MBNL2: variants seen among roughly 807,000 people sequenced by gnomAD.
The protein encoded by MBNL2 is muscleblind like splicing regulator 2.
A neutral mutation model predicts 41.9 loss-of-function variants in MBNL2; 17 were observed. The observed-to-expected ratio is 0.41, with a 90% CI of 0.28 to 0.61. The LOEUF is 0.61. Among genes scored for constraint, MBNL2 ranks in the 20% least tolerant of loss-of-function variants. MBNL2 has a pLI of 0.35. For missense variants in MBNL2, 336 were observed against 505.6 expected (o/e 0.66, Z 3.22); for synonymous variants, 195 against 182.9 (o/e 1.07, Z -0.53).
At chr13:97,383,380 T>G (rs539258687) in intron 8 of MBNL2, among the ~76,000 whole-genome samples, 1 of 152,360 alleles carries the variant, frequency 6.6e-6, no homozygotes, top group Admixed American at 6.5e-5. Flanking sequence ...AAGTTGTCAA[T>G]GTGAACCCTG....
At chr13:97,271,585 C>A (rs1045744904) in intron 1 of MBNL2, among the ~76,000 whole-genome samples, 4 of 152,160 alleles carry the variant, frequency 2.6e-5, no homozygotes, top group Non-Finnish European at 5.9e-5. Flanking sequence ...CCCCTCACCC[C>A]GTAAACCCCC....
intron 5 of MBNL2, 21 bp downstream of exon 5, chr13:97,347,088 C>G (rs749941533): frequency 2.0e-6 from 3 of 1,508,978 alleles, no homozygotes; most frequent in Admixed American, 4.5e-5. Context: ...CCGCCCGCCG[C>G]CCCTGCACCC....
At chr13:97,183,934 CTT>C in the MBNL2 span, among the ~76,000 whole-genome samples, 1 of 152,142 alleles carries the variant, frequency 6.6e-6, no homozygotes, top group Non-Finnish European at 1.5e-5. Context: ...TCCCCAGTCT[CTT>C]TTTTTCACAA....
intron 2 of MBNL2, among the ~76,000 whole-genome samples, chr13:97,287,763 T>C (rs2152961769): frequency 6.8e-6 from 1 of 146,792 alleles, no homozygotes; most frequent in Non-Finnish European, 1.5e-5. Flanking sequence ...TTCACTCTTG[T>C]TGCCCAGGCT....
Position 97,346,243 on chromosome 13 carries a change from AGATGGATGGATGGATG to A in MBNL2, c.541-545_541-530del, listed in dbSNP as rs3055758. Among the ~76,000 whole-genome samples the A allele has an allele frequency of 2.6e-5, 4 of 151,026 alleles. No individual in the cohort carries two copies. Among genetic ancestry groups the A allele is most frequent in the Admixed American group, 6.6e-5 (1 of 15,192 alleles). On this transcript the variant is annotated intron_variant, in intron 4 of 8. Transcript: ENST00000679496. The surrounding 1 kb of genome is among the most constrained non-coding windows in gnomAD (Gnocchi z 4.2). The stretch of plus-strand genomic sequence containing the variant: ...AAATAATGATAGATTAACAGATAAT[AGATGGATGGATGGATG>A]GATGGATGGATGGATAGATGGATGG...
At chr13:97,189,739 C>T in the MBNL2 span, among the ~76,000 whole-genome samples, 3 of 152,210 alleles carry the variant, frequency 2.0e-5, no homozygotes, top group African/African-American at 7.2e-5. Context: ...CTTCTTGGCT[C>T]ATCTATCACC....
chr13:97,297,480 G>A (rs2057174895), intron 2 of MBNL2, among the ~76,000 whole-genome samples: 1 of 152,104 alleles, frequency 6.6e-6, no homozygotes, highest in African/African-American at 2.4e-5. Flanking sequence ...ACTTGACTGG[G>A]AGAATTGGGG....
chr13:97,362,578 C>T (rs987824231), intron 7 of MBNL2, among the ~76,000 whole-genome samples: 1 of 151,778 alleles, frequency 6.6e-6, no homozygotes, highest in African/African-American at 2.4e-5. Context: ...GAGCATGGTG[C>T]CAGGGAGGTG....
chr13:97,266,709 A>G (rs2049888831), intron 1 of MBNL2, among the ~76,000 whole-genome samples: 1 of 152,328 alleles, frequency 6.6e-6, no homozygotes, highest in East Asian at 1.9e-4. Context: ...GGAAGGAAAC[A>G]TTATTTTTTA....
the MBNL2 span, among the ~76,000 whole-genome samples, chr13:97,165,628 T>C: frequency 6.6e-6 from 1 of 152,164 alleles, no homozygotes; most frequent in East Asian, 1.9e-4. Context: ...AATTATGAAA[T>C]GTAAAGGGTA....
chr13:97,368,407 C>G (rs1464855325), intron 8 of MBNL2, among the ~76,000 whole-genome samples: 2 of 74,700 alleles, frequency 2.7e-5, no homozygotes, highest in Admixed American at 2.4e-4. Flanking sequence ...GAGTGACACC[C>G]TGTCTTAAAA....
intron 8 of MBNL2, among the ~76,000 whole-genome samples, chr13:97,373,636 A>T (rs1176622835): frequency 6.8e-6 from 1 of 146,002 alleles, no homozygotes; most frequent in Non-Finnish European, 1.5e-5. Flanking sequence ...TAAGGGTAGG[A>T]GGAGGTTGGG....
At chr13:97,339,408 A>C (rs974611931) in intron 3 of MBNL2, among the ~76,000 whole-genome samples, 2 of 152,128 alleles carry the variant, frequency 1.3e-5, no homozygotes, top group Non-Finnish European at 1.5e-5. Context: ...TCGCAAGACC[A>C]GCATTTCAGA....
At chr13:97,252,691 T>A (rs2046803344) in intron 1 of MBNL2, among the ~76,000 whole-genome samples, 1 of 152,136 alleles carries the variant, frequency 6.6e-6, no homozygotes, top group Non-Finnish European at 1.5e-5. Context: ...AACAAGAAAA[T>A]TATTGGTTCC....
At chr13:97,298,070 C>T (rs1386217010) in intron 2 of MBNL2, among the ~76,000 whole-genome samples, 2 of 151,946 alleles carry the variant, frequency 1.3e-5, no homozygotes, top group African/African-American at 4.8e-5. Flanking sequence ...CGGACCTCTT[C>T]AGTATATTAG....
chr13:97,386,692 C>T (rs765597834), intron 8 of MBNL2, among the ~76,000 whole-genome samples: 4 of 152,174 alleles, frequency 2.6e-5, no homozygotes, highest in Non-Finnish European at 5.9e-5. Flanking sequence ...TGAAGCCATT[C>T]ATGCTTTGTC....
chr13:97,191,953 G>C, the MBNL2 span, among the ~76,000 whole-genome samples: 1 of 152,172 alleles, frequency 6.6e-6, no homozygotes, highest in Non-Finnish European at 1.5e-5. Flanking sequence ...CATAATTTGG[G>C]TGTTTATAGG....
chr13:97,208,045 T>C, the MBNL2 span, among the ~76,000 whole-genome samples: 142,134 of 152,322 alleles, frequency 0.93, 66,463 homozygotes, highest in East Asian at 1. Flanking sequence ...ACAGCTCTGC[T>C]CCTGTGGTTT....
chr13:97,152,217 T>C, the MBNL2 span, among the ~76,000 whole-genome samples: 2 of 152,016 alleles, frequency 1.3e-5, no homozygotes, highest in African/African-American at 2.4e-5. Context: ...TAAAGCTTAA[T>C]AGATGAGTTA....
Sources: allele counts gnomAD v4.1 joint callset (sites outside exome capture counted in the v4.1 genomes callset), GRCh38; gene constraint gnomAD v4.1.1; non-coding constraint Gnocchi (gnomAD v3.1); transcripts MANE v1.5; gene names NCBI Gene and HGNC (gene_info 2026-07-23, HGNC 2026-07-21).